The following DNASE1 variants were observed in gnomAD, a reference collection of about 807,000 sequenced individuals.
DNASE1 encodes the protein deoxyribonuclease 1.
A neutral mutation model predicts 33.9 loss-of-function variants in DNASE1; 40 were observed. The observed-to-expected ratio is 1.18, with a 90% confidence interval of 0.92 to 1.54. The LOEUF (loss-of-function observed/expected upper bound fraction) is 1.54. DNASE1 is among the 40% of genes most tolerant of loss of function. The pLI, the probability that DNASE1 is intolerant of heterozygous loss-of-function variation, is 0.00. For missense variants in DNASE1, 518 were observed against 372.6 expected, an observed-to-expected ratio of 1.39 and a Z score of -3.21; for synonymous variants, 216 against 160.0, an observed-to-expected ratio of 1.35 and a Z score of -2.64.
chr16:3,631,027 T>C (rs1367212202), intron 1 of DNASE1, among the ~76,000 whole-genome samples: 2 of 152,052 alleles, frequency 1.3e-5, no homozygotes, highest in African/African-American at 4.8e-5. Flanking sequence ...TAGGATTTTA[T>C]TTATTTATTT....
intron 1 of DNASE1, among the ~76,000 whole-genome samples, chr16:3,620,467 T>G (rs755717509): frequency 2.7e-5 from 4 of 150,776 alleles, no homozygotes; most frequent in Non-Finnish European, 4.4e-5. Flanking sequence ...TGCAGTGAGC[T>G]GTGATCATGC....
chr16:3,655,259 C>T (rs2042523792), intron 1 of DNASE1, 114 bp from the exon 2 acceptor site: 4 of 1,447,796 alleles, frequency 2.8e-6, no homozygotes, highest in Admixed American at 1.9e-5. Flanking sequence ...CCGCCTGCGT[C>T]CCCCTGACCT....
chr16:3,617,143 G>A (rs985791055), intron 1 of DNASE1, among the ~76,000 whole-genome samples: 7 of 151,528 alleles, frequency 4.6e-5, no homozygotes, highest in Non-Finnish European at 7.4e-5. Flanking sequence ...CCTGACCAAC[G>A]TGGAGAAACC....
intron 1 of DNASE1, among the ~76,000 whole-genome samples, chr16:3,627,760 AGTCTGTAT>A (rs956856411): frequency 3.9e-5 from 6 of 152,120 alleles, no homozygotes; most frequent in African/African-American, 1.4e-4. Context: ...CTATTCCAAT[AGTCTGTAT>A]GTCTGTCTTC....
intron 1 of DNASE1, among the ~76,000 whole-genome samples, chr16:3,619,589 C>G (rs987818460): frequency 6.9e-6 from 1 of 145,836 alleles, no homozygotes; most frequent in African/African-American, 2.5e-5. Context: ...TCTCTATCTG[C>G]GGACCTTGTG....
At chr16:3,664,660 G>T in exon 10 of DNASE1, 1 of 576,040 alleles carries the variant, frequency 1.7e-6, no homozygotes, top group Non-Finnish European at 2.9e-6. Context: ...AGCTCTGGGG[G>T]CTTAGGAAGC....
At chr16:3,643,794 C>G (rs2042091785) in intron 1 of DNASE1, among the ~76,000 whole-genome samples, 1 of 152,132 alleles carries the variant, frequency 6.6e-6, no homozygotes. Flanking sequence ...TGGAGTCTCG[C>G]TCTGTGGCCC....
chr16:3,629,124 A>G (rs936702685), intron 1 of DNASE1, among the ~76,000 whole-genome samples: 1 of 144,888 alleles, frequency 6.9e-6, no homozygotes, highest in African/African-American at 2.5e-5. Context: ...GTGAGCCGAG[A>G]TTGCGCCACT....
downstream of DNASE1, chr16:3,661,673 G>A (rs913503277): frequency 7.1e-5 from 22 of 309,860 alleles, no homozygotes; most frequent in Admixed American, 4.5e-4. Flanking sequence ...CAAGATCCAC[G>A]TACAAAGCTC....
intron 1 of DNASE1, among the ~76,000 whole-genome samples, chr16:3,619,061 G>T (rs2041208873): frequency 6.6e-6 from 1 of 151,638 alleles, no homozygotes; most frequent in Admixed American, 6.6e-5. Flanking sequence ...TTGAGACGGG[G>T]TTACACTCTA....
At chr16:3,614,804 A>C (rs1386309995) in intron 1 of DNASE1, among the ~76,000 whole-genome samples, 1 of 152,262 alleles carries the variant, frequency 6.6e-6, no homozygotes, top group Non-Finnish European at 1.5e-5. Context: ...TAAACATCTA[A>C]TAAACATGGA....
At chr16:3,631,517 TTTTTG>T (rs1044245634) in intron 1 of DNASE1, among the ~76,000 whole-genome samples, 3 of 139,326 alleles carry the variant, frequency 2.2e-5, no homozygotes, top group Admixed American at 7.4e-5. Context: ...CTTATAGGTT[TTTTTG>T]TTTTGTTTTG....
downstream of DNASE1, chr16:3,658,136 C>G (rs111987725): frequency 2.5e-6 from 4 of 1,613,980 alleles, no homozygotes; most frequent in South Asian, 3.3e-5. Flanking sequence ...CTGTCAGTGT[C>G]GCTCCAGGGC....
rs563382938 is a variant in DNASE1 at position 3,619,610 on chromosome 16, C to T, written c.-1359+7604C>T. 1.1e-4 allele frequency among the ~76,000 whole-genome samples: 17 copies of T among 152,112 alleles called. No homozygotes were observed. In the East Asian group the frequency reaches 3.3e-3, roughly 29 times the overall value. ...TCTGCGGACCTTGTGATCTGCCCACCTCGGCCTCCCAAAGTGCTGGGATTA... is the reference window on the plus strand; with the variant it reads ...TCTGCGGACCTTGTGATCTGCCCACTTCGGCCTCCCAAAGTGCTGGGATTA... On this transcript the variant is annotated intron_variant and NMD_transcript_variant, in intron 1 of 11. Transcript: ENST00000570769.
intron 1 of DNASE1, among the ~76,000 whole-genome samples, chr16:3,635,457 C>CAAAAAA (rs753495578): frequency 1.7e-5 from 1 of 59,686 alleles, no homozygotes; most frequent in African/African-American, 6.5e-5. Flanking sequence ...GACTCTGTCT[C>CAAAAAA]AAAAAAAAAA....
chr16:3,651,814 A>T (rs1450494476), upstream of DNASE1: 3 of 152,364 alleles, frequency 2.0e-5, no homozygotes, highest in African/African-American at 7.2e-5. Flanking sequence ...TGGCTGTTAC[A>T]TGGCAGCATT....
At chr16:3,655,126 G>A in intron 1 of DNASE1, 82 bp downstream of exon 1, 1 of 602,104 alleles carries the variant, frequency 1.7e-6, no homozygotes, top group Non-Finnish European at 2.9e-6. Context: ...CTCCAGCAGC[G>A]AGTGAGGCGG....
downstream of DNASE1, chr16:3,662,557 G>C (rs2043145157): frequency 1.8e-6 from 1 of 566,408 alleles, no homozygotes; most frequent in Non-Finnish European, 3.3e-6. Context: ...GAGCATGTGA[G>C]CTCCTGAGGG....
At chr16:3,655,227 A>G in intron 1 of DNASE1, 146 bp from the exon 2 acceptor site, 3 of 1,151,834 alleles carry the variant, frequency 2.6e-6, no homozygotes, top group South Asian at 3.0e-5. Flanking sequence ...GGCTTTCTGG[A>G]CGTTGTAGGA....
Sources: gnomAD v4.1 joint callset for allele counts (sites outside exome capture counted in the v4.1 genomes callset) on GRCh38, gnomAD v4.1.1 for gene constraint, MANE v1.5 for transcripts, NCBI Gene and HGNC (gene_info 2026-07-23, HGNC 2026-07-21) for gene names.